The following ABCA5 variants were observed in gnomAD, a reference collection of about 807,000 sequenced individuals.
The protein encoded by ABCA5 is cholesterol transporter ABCA5.
Under a neutral mutation model 206.0 loss-of-function variants are expected in ABCA5, and 163 were observed. That is an observed-to-expected ratio of 0.79 (90% CI 0.70 to 0.90). The LOEUF (loss-of-function observed/expected upper bound fraction) is 0.90, where lower values mean the gene tolerates loss of function less well. Among genes scored for constraint, ABCA5 ranks in the 40% least tolerant of loss-of-function variants. The pLI is 0.00. For missense variants in ABCA5, 1,859 were observed against 1,912.9 expected (o/e 0.97, Z 0.53); for synonymous variants, 609 against 613.8 (o/e 0.99, Z 0.11).
rs570104137 is a variant in ABCA5 at position 69,280,676 on chromosome 17, C to T, written c.2393-2834G>A. Among the ~76,000 whole-genome samples the T allele has an allele frequency of 1.5e-4, 22 of 150,100 alleles. No individual in the cohort carries two copies. In the South Asian group the frequency reaches 4.5e-3, roughly 31 times the overall value. Reference sequence around the variant, plus strand: ...TAGACTGGATTAAGAAAATGTGGCACATATACACCATGGAATACTATGCAG... The same window carrying T: ...TAGACTGGATTAAGAAAATGTGGCATATATACACCATGGAATACTATGCAG... On this transcript the variant is annotated intron_variant, in intron 18 of 38. Transcript: ENST00000392676.
At chr17:69,282,893 T>C (rs1394749666) in intron 18 of ABCA5, among the ~76,000 whole-genome samples, 5 of 151,770 alleles carry the variant, frequency 3.3e-5, no homozygotes, top group African/African-American at 4.8e-5. Context: ...TTATTCTTCA[T>C]TCCAACTTCT....
intron 11 of ABCA5, 55 bp from the exon 12 acceptor site, chr17:69,291,381 C>A (rs2075524779): frequency 3.8e-6 from 4 of 1,050,280 alleles, no homozygotes; most frequent in Non-Finnish European, 5.8e-6. Flanking sequence ...TTCAGCTATG[C>A]ATGATAATTC....
At chr17:69,277,893 C>T (rs1210254144) in intron 18 of ABCA5, 51 bp from the exon 19 acceptor site, 1 of 1,369,008 alleles carries the variant, frequency 7.3e-7, no homozygotes, top group Non-Finnish European at 9.7e-7. Flanking sequence ...AAAAAAGATA[C>T]AAACTTTCTG....
Position 69,306,780 on chromosome 17 carries a change from CTT to C in ABCA5, c.731_732del (p.Lys244ArgfsTer15). 1 of 1,557,818 alleles carries C rather than the reference CTT, an allele frequency of 6.4e-7. No homozygotes were observed. Among genetic ancestry groups the C allele is most frequent in the African/African-American group, 1.4e-5 (1 of 71,394 alleles). On this transcript the variant is annotated frameshift_variant, in exon 6 of 39. Coordinates refer to ENST00000392676, the MANE Select transcript of ABCA5 (RefSeq NM_172232.4). LOFTEE classifies it high-confidence loss of function. ...YFLAIHIVAE[K>X]EKKIKEFLKI... ...TTTAAAAATTCTTTTATTTTTTTTT[CTT>C]TTTCTGCTACGATATGAATTGCCAA...
intron 5 of ABCA5, among the ~76,000 whole-genome samples, chr17:69,307,805 C>G (rs1011951897): frequency 3.3e-5 from 5 of 152,062 alleles, no homozygotes; most frequent in African/African-American, 1.2e-4. Context: ...GATTCCAGCT[C>G]CATCATTATT....
chr17:69,271,167 C>A lies in ABCA5; in HGVS notation c.2887G>T (p.Glu963Ter), dbSNP rs778966560. The A allele has an allele frequency of 1.2e-6, 2 of 1,610,500 alleles. No individual in the cohort carries two copies. Among genetic ancestry groups the A allele is most frequent in the Admixed American group, 3.4e-5 (2 of 58,962 alleles). Residue 963 changes from glutamate (E) to a stop codon, truncating the protein, a stop_gained, in exon 21 of 39, where the codon GAA becomes TAA. Coordinates refer to ENST00000392676, the MANE Select transcript of ABCA5 (RefSeq NM_172232.4). LOFTEE classifies it high-confidence loss of function. ...ATTCACTGCATTCATCTTACCTTTT[C>A]TGAATGCATCACATTTAAAGCCGCA... ...HSAALNVMHSEKDYVFAAVFN... is the reference protein window; with the variant it reads ...HSAALNVMHS
chr17:69,267,758 A>G (rs1381900656), intron 23 of ABCA5, among the ~76,000 whole-genome samples, 185 bp downstream of exon 23: 2 of 152,210 alleles, frequency 1.3e-5, no homozygotes, highest in African/African-American at 4.8e-5. Context: ...TAAAGCATGT[A>G]GCAAGTCTCA....
chr17:69,286,872 G>T (rs1396861384), intron 15 of ABCA5, among the ~76,000 whole-genome samples: 1 of 152,122 alleles, frequency 6.6e-6, no homozygotes, highest in Non-Finnish European at 1.5e-5. Flanking sequence ...CTTCAACTTG[G>T]ATTCTTTATA....
In ABCA5 at chr17:69,259,702, T is replaced by A. The variant is rs750887177; in HGVS notation, c.3731+4A>T. On this transcript the variant is annotated splice_donor_region_variant and intron_variant, in intron 28 of 38. Coordinates refer to ENST00000392676, the MANE Select transcript of ABCA5 (RefSeq NM_172232.4). The stretch of plus-strand genomic sequence containing the variant: ...CATTTAAAATTTTTAAAAAATCAAC[T>A]GACCTGAAAAAGGGATCTTTTCTTA... 8 of 1,575,750 alleles carry A rather than the reference T, an allele frequency of 5.1e-6. No individual in the cohort carries two copies. In the Admixed American group the frequency reaches 8.6e-5, roughly 17 times the overall value.
At chr17:69,299,465 C>CACAT (rs1408675505) in intron 9 of ABCA5, among the ~76,000 whole-genome samples, 8 of 128,270 alleles carry the variant, frequency 6.2e-5, no homozygotes, top group South Asian at 2.9e-4. Flanking sequence ...TACACACACA[C>CACAT]ACACATACAC....
At chr17:69,256,441 T>G (rs1348673520) in intron 28 of ABCA5, among the ~76,000 whole-genome samples, 158 bp from the exon 29 acceptor site, 1 of 150,726 alleles carries the variant, frequency 6.6e-6, no homozygotes, top group African/African-American at 2.4e-5. Context: ...TTTCTTTTTT[T>G]TTCTTTCTTT....
Position 69,327,126 on chromosome 17 carries a change from G to A in ABCA5, c.-90C>T, listed in dbSNP as rs2075902334. On this transcript the variant is annotated 5_prime_UTR_variant, in exon 1 of 39. Coordinates refer to ENST00000392676, the MANE Select transcript of ABCA5 (RefSeq NM_172232.4). ...TGACTCAGTGCGGGTGACCCAGCTG[G>A]GATCTGTGCGAGGGCGCGGCCGCGC... 6.6e-6 allele frequency: 1 copy of A among 151,478 alleles called. No homozygotes were observed. Among genetic ancestry groups the A allele is most frequent in the Non-Finnish European group, 1.5e-5 (1 of 67,964 alleles). The allele number at this position is 151,478 out of a possible 1,614,324, so 9.4% of individuals were successfully genotyped here.
intron 10 of ABCA5, 120 bp downstream of exon 10, chr17:69,297,071 T>C: frequency 1.0e-6 from 1 of 981,464 alleles, no homozygotes; most frequent in Non-Finnish European, 1.5e-6. Context: ...TATTAATGTT[T>C]TAAAATCATG....
chr17:69,302,741 TACAGTGACAGAAAGGACTGA>T lies in ABCA5; in HGVS notation c.1076_1095del (p.Phe359TyrfsTer16), dbSNP rs772439674. On this transcript the variant is annotated frameshift_variant, in exon 8 of 39. Coordinates refer to ENST00000392676, the MANE Select transcript of ABCA5 (RefSeq NM_172232.4). LOFTEE classifies it high-confidence loss of function. ...ACCTGTGCAATACCAATCACAAAAG[TACAGTGACAGAAAGGACTGA>T]AAAGCCACACTAACGATTTGGGAAA... 7.6e-6 allele frequency: 12 copies of T among 1,579,148 alleles called. No homozygotes were observed. The Admixed American group carries it at 2.4e-4, about 32-fold the overall frequency.
At chr17:69,269,245 A>G (rs895981591) in intron 22 of ABCA5, among the ~76,000 whole-genome samples, 17 of 152,220 alleles carry the variant, frequency 1.1e-4, no homozygotes, top group Admixed American at 9.8e-4. Flanking sequence ...TGAAATTGTG[A>G]ATTGCGGTTA....
intron 19 of ABCA5, among the ~76,000 whole-genome samples, chr17:69,276,200 C>T (rs2144948650): frequency 6.6e-6 from 1 of 152,266 alleles, no homozygotes; most frequent in Admixed American, 6.5e-5. Flanking sequence ...AATTCTCCTG[C>T]CTCAGCCTCT....
Position 69,244,970 on chromosome 17 carries a change from G to A in ABCA5, c.*2567C>T, listed in dbSNP as rs1018665499. The A allele has an allele frequency of 2.0e-5, 3 of 150,260 alleles. No homozygotes were observed. Among genetic ancestry groups the A allele is most frequent in the East Asian group, 1.9e-4 (1 of 5,176 alleles). The allele number at this position is 150,260 out of a possible 1,614,324, so 9.3% of individuals were successfully genotyped here. A position where few individuals can be genotyped will look rare whatever the true frequency, so the allele number is the denominator to read the frequency against. On this transcript the variant is annotated 3_prime_UTR_variant, in exon 39 of 39. Coordinates refer to ENST00000392676, the MANE Select transcript of ABCA5 (RefSeq NM_172232.4). ...AAGTATCTATCTTACAGATCTCCAC[G>A]ATCTTACAGGGCCAAAACTGATAGT...
intron 19 of ABCA5, among the ~76,000 whole-genome samples, chr17:69,276,286 A>G (rs185202662): frequency 2.6e-5 from 4 of 152,132 alleles, no homozygotes; most frequent in African/African-American, 9.6e-5. Context: ...ACGGAGTTTC[A>G]CCATGTTGGC....
chr17:69,317,399 CAAAAAAA>C (rs1168274624), intron 1 of ABCA5, among the ~76,000 whole-genome samples: 22 of 74,570 alleles, frequency 3.0e-4, no homozygotes, highest in African/African-American at 1.0e-3. Flanking sequence ...GACTCTGTCT[CAAAAAAA>C]AAAAAAAAAA....
Sources: allele counts gnomAD v4.1 joint callset (sites outside exome capture counted in the v4.1 genomes callset), GRCh38; gene constraint gnomAD v4.1.1; transcripts MANE v1.5; gene names NCBI Gene and HGNC (gene_info 2026-07-23, HGNC 2026-07-21).